The following AHCY variants were observed in gnomAD, a reference collection of about 807,000 sequenced individuals.
The protein encoded by AHCY is S-adenosyl-L-homocysteine hydrolase.
A neutral mutation model predicts 45.4 loss-of-function variants in AHCY; 24 were observed. The ratio of observed to expected loss-of-function variants is 0.53; its 90% confidence interval spans 0.38 to 0.74. The LOEUF (loss-of-function observed/expected upper bound fraction) is 0.74. Ranked by LOEUF, AHCY falls within the 30% of genes least tolerant of loss-of-function variation. The probability of loss-of-function intolerance (pLI) is 0.00; values close to 1 mark genes in which losing one functional copy is unlikely to be tolerated. For missense variants in AHCY, 449 were observed against 594.1 expected, an observed-to-expected ratio of 0.76 and a Z score of 2.54; for synonymous variants, 245 against 235.1, an observed-to-expected ratio of 1.04 and a Z score of -0.39.
intron 1 of AHCY, chr20:34,302,539 T>G: frequency 2.6e-4 from 232 of 881,118 alleles, no homozygotes; most frequent in Non-Finnish European, 3.0e-4. Context: ...TATAGAGCCA[T>G]GAGACTAGAA....
rs529556950 is a variant in AHCY at position 34,309,984 on chromosome 20, G to A, written c.-57+1488C>T. ...GAAACAATAGAAGAACCATGGAGGT[G>A]GAGGGGTGCCTTCTTAGTGCCAGGT... On this transcript the variant is annotated intron_variant, in intron 1 of 9. Coordinates refer to the AHCY transcript ENST00000538132. Among the ~76,000 whole-genome samples, 8 of 152,092 alleles carry A rather than the reference G, an allele frequency of 5.3e-5. No homozygotes were observed. In the South Asian group the frequency reaches 1.0e-3, roughly 20 times the overall value.
chr20:34,254,378 G>A, the AHCY span, among the ~76,000 whole-genome samples: 1 of 152,196 alleles, frequency 6.6e-6, no homozygotes, highest in Non-Finnish European at 1.5e-5. Flanking sequence ...TTATTGTCCT[G>A]TATTAATAGC....
chr20:34,233,093 T>TC, the AHCY span, among the ~76,000 whole-genome samples: 1 of 145,610 alleles, frequency 6.9e-6, no homozygotes, highest in Non-Finnish European at 1.5e-5. Flanking sequence ...TCTTCCCCAC[T>TC]CACACCAACA....
At chr20:34,309,990 G>A (rs1252916983) in intron 1 of AHCY, among the ~76,000 whole-genome samples, 2 of 151,870 alleles carry the variant, frequency 1.3e-5, no homozygotes, top group African/African-American at 2.4e-5. Flanking sequence ...AGGTGGAGGG[G>A]TGCCTTCTTA....
At chr20:34,271,095 T>C in the AHCY span, among the ~76,000 whole-genome samples, 1 of 151,946 alleles carries the variant, frequency 6.6e-6, no homozygotes, top group African/African-American at 2.4e-5. Context: ...AACCTCAGCC[T>C]CCCAAGTAGC....
chr20:34,276,716 T>C (rs1380303957), downstream of AHCY, among the ~76,000 whole-genome samples: 2 of 152,060 alleles, frequency 1.3e-5, no homozygotes, highest in Admixed American at 6.5e-5. Flanking sequence ...GAGTCGCTCC[T>C]GCACCACACC....
At chr20:34,281,271 T>C in intron 9 of AHCY, 106 bp from the exon 10 acceptor site, 1 of 1,520,210 alleles carries the variant, frequency 6.6e-7, no homozygotes, top group Admixed American at 1.7e-5. Flanking sequence ...GTTTCTGCCA[T>C]GTGTGGTACT....
chr20:34,295,257 CGAGT>C (rs902983074), intron 2 of AHCY, 134 bp downstream of exon 2: 4 of 1,039,934 alleles, frequency 3.8e-6, no homozygotes, highest in East Asian at 2.6e-5. Flanking sequence ...CGGAGGAAAC[CGAGT>C]GAGAGGGAGG....
the AHCY span, among the ~76,000 whole-genome samples, chr20:34,251,650 G>A: frequency 2.6e-5 from 4 of 152,196 alleles, no homozygotes; most frequent in Non-Finnish European, 5.9e-5. Flanking sequence ...AATTTGCTAT[G>A]TTCTGAATGT....
chr20:34,240,710 T>A, the AHCY span, among the ~76,000 whole-genome samples: 2 of 152,212 alleles, frequency 1.3e-5, no homozygotes, highest in Non-Finnish European at 2.9e-5. Flanking sequence ...GACTTGTTTT[T>A]CTAGGTTAAC....
downstream of AHCY, among the ~76,000 whole-genome samples, chr20:34,278,756 C>A (rs819173): frequency 2.6e-5 from 4 of 151,922 alleles, no homozygotes; most frequent in Non-Finnish European, 5.9e-5. Context: ...TAAGACCATA[C>A]CTTTTTACAT....
intron 1 of AHCY, 52 bp from the exon 2 acceptor site, chr20:34,295,637 A>G (rs766683709): frequency 6.3e-7 from 1 of 1,585,584 alleles, no homozygotes; most frequent in Non-Finnish European, 8.6e-7. Context: ...CCCACCAACC[A>G]AGAGGGGCGG....
chr20:34,298,617 G>C lies in AHCY; in HGVS notation c.29-3032C>G, dbSNP rs913747834. On this transcript the variant is annotated intron_variant, in intron 1 of 9. Coordinates refer to ENST00000217426, the MANE Select transcript of AHCY (RefSeq NM_000687.4). The stretch of plus-strand genomic sequence containing the variant: ...GAAGTGGCGGCGGCGGGAGGGGGGG[G>C]GGTGTCTCCCTTTCCCCAGGGGAGT... 1.2e-3 allele frequency among the ~76,000 whole-genome samples: 181 copies of C among 146,166 alleles called. 11 individuals carry two copies. Among genetic ancestry groups the C allele is most frequent in the East Asian group, 3.5e-3 (16 of 4,548 alleles).
upstream of AHCY, among the ~76,000 whole-genome samples, chr20:34,305,129 CA>C (rs1358116171): frequency 6.9e-6 from 1 of 145,252 alleles, no homozygotes; most frequent in African/African-American, 2.6e-5. Flanking sequence ...TCCTGGCTAA[CA>C]GGGTAAAACC....
intron 1 of AHCY, among the ~76,000 whole-genome samples, chr20:34,308,895 C>G (rs2036920764): frequency 6.6e-6 from 1 of 151,336 alleles, no homozygotes; most frequent in South Asian, 2.1e-4. Context: ...CCCAGGTGAT[C>G]TGCCTGCCTC....
the AHCY span, among the ~76,000 whole-genome samples, chr20:34,258,069 G>A: frequency 1.3e-5 from 2 of 151,854 alleles, no homozygotes; most frequent in African/African-American, 4.8e-5. Context: ...GCTTGAATCC[G>A]GGAGGCAGAG....
upstream of AHCY, among the ~76,000 whole-genome samples, chr20:34,305,090 C>T (rs1048691634): frequency 1.1e-4 from 17 of 149,488 alleles, no homozygotes; most frequent in Admixed American, 9.3e-4. Context: ...CCGAGGCGGG[C>T]GGATCACGGG....
chr20:34,289,506 A>C (rs1205355), intron 8 of AHCY, among the ~76,000 whole-genome samples: 1 of 129,104 alleles, frequency 7.7e-6, no homozygotes, highest in African/African-American at 3.3e-5. Flanking sequence ...ATGGAGTCTC[A>C]CTCTTATTAA....
intron 9 of AHCY, among the ~76,000 whole-genome samples, chr20:34,283,484 G>A (rs1482532976): frequency 6.6e-6 from 1 of 152,184 alleles, no homozygotes; most frequent in Non-Finnish European, 1.5e-5. Flanking sequence ...TACAGCATGT[G>A]AGGCATGATG....
Sources: gnomAD v4.1 joint callset for allele counts (sites outside exome capture counted in the v4.1 genomes callset) on GRCh38, gnomAD v4.1.1 for gene constraint, MANE v1.5 for transcripts, NCBI Gene and HGNC (gene_info 2026-07-23, HGNC 2026-07-21) for gene names.